Variants in ADCY9 observed in about 807,000 individuals in gnomAD.
ADCY9 encodes adenylate cyclase type 9.
ADCY9 carries 50 observed loss-of-function variants against 101.5 expected under a neutral mutation model. The ratio of observed to expected loss-of-function variants is 0.49; its 90% CI spans 0.39 to 0.62. The LOEUF is 0.62. Among genes scored for constraint, ADCY9 ranks in the 20% least tolerant of loss-of-function variants. The probability of loss-of-function intolerance (pLI) is 0.00; values close to 1 mark genes in which losing one functional copy is unlikely to be tolerated. For synonymous variants in ADCY9, 905 were observed against 769.3 expected, an observed-to-expected ratio of 1.18 and a Z score of -2.92; for missense variants, 1,662 against 1,800.4, an observed-to-expected ratio of 0.92 and a Z score of 1.39.
chr16:4,068,395 A>G (rs140349522), intron 2 of ADCY9, among the ~76,000 whole-genome samples: 3,092 of 152,240 alleles, frequency 0.02, 61 homozygotes, highest in Non-Finnish European at 0.027. Context: ...CACGCGCTAT[A>G]TATAAATTTG....
At chr16:4,084,262 C>T (rs907476450) in intron 2 of ADCY9, among the ~76,000 whole-genome samples, 7 of 152,150 alleles carry the variant, frequency 4.6e-5, no homozygotes, top group South Asian at 2.1e-4. Context: ...CAGGCACCCA[C>T]CACCACGCCC....
chr16:3,991,036 G>C (rs762496199), intron 5 of ADCY9, among the ~76,000 whole-genome samples: 3 of 152,172 alleles, frequency 2.0e-5, no homozygotes, highest in Non-Finnish European at 4.4e-5. Flanking sequence ...CTGACTTCAG[G>C]TGATCTACCT....
chr16:3,973,069 T>C (rs924945091), intron 10 of ADCY9, among the ~76,000 whole-genome samples: 4 of 151,684 alleles, frequency 2.6e-5, no homozygotes, highest in Non-Finnish European at 5.9e-5. Context: ...CTATAGTACA[T>C]ATATAGTTTC....
At chr16:3,998,969 T>G (rs909991611) in intron 3 of ADCY9, among the ~76,000 whole-genome samples, 9 of 151,712 alleles carry the variant, frequency 5.9e-5, no homozygotes, top group African/African-American at 1.9e-4. Context: ...GCAATTTTCC[T>G]TGAGCGATTC....
intron 2 of ADCY9, among the ~76,000 whole-genome samples, chr16:4,019,004 C>A (rs2056457714): frequency 1.4e-5 from 1 of 68,992 alleles, no homozygotes; most frequent in African/African-American, 4.2e-5. Context: ...GAGAAAAGGT[C>A]TTTCTCTGTC....
Position 4,114,782 on chromosome 16 carries a change from C to T in ADCY9, c.661G>A (p.Val221Met). Reference sequence around the variant, plus strand: ...TCGATGCACATGGAGAAGCTCCCCACTTGAGATAAGCAAGTATCTGTGGGC... The same window carrying T: ...TCGATGCACATGGAGAAGCTCCCCATTTGAGATAAGCAAGTATCTGTGGGC... Reference protein sequence around the residue: ...ARPTDTCLSQVGSFSMCIEVL... With the variant: ...ARPTDTCLSQMGSFSMCIEVL... Residue 221 changes from valine (V) to methionine (M), a missense_variant, in exon 2 of 11, where the codon GTG becomes ATG. Transcript: ENST00000294016. The surrounding 1 kb of genome is among the most constrained non-coding windows in gnomAD (Gnocchi z 4.3). 6.2e-7 allele frequency: 1 copy of T among 1,613,306 alleles called. No individual in the cohort carries two copies. The highest frequency in any genetic ancestry group is 8.5e-7 in the Non-Finnish European group (1 of 1,180,046).
At chr16:4,096,000 C>CAAAAAAAAAAAAAAAAAAAAAAAAAA (rs1567146275) in intron 2 of ADCY9, among the ~76,000 whole-genome samples, 1 of 97,748 alleles carries the variant, frequency 1.0e-5, no homozygotes. Context: ...AAAAAAAAAT[C>CAAAAAAAAAAAAAAAAAAAAAAAAAA]AAATGGGGTT....
chr16:4,045,594 T>TAAAAAAAAAAA (rs545715002), intron 2 of ADCY9, among the ~76,000 whole-genome samples: 1 of 64,964 alleles, frequency 1.5e-5, no homozygotes, highest in Non-Finnish European at 2.8e-5. Context: ...GACTCTGCCT[T>TAAAAAAAAAAA]AAAAAAAAAA....
At chr16:4,109,600 T>G (rs1207597285) in intron 2 of ADCY9, among the ~76,000 whole-genome samples, 19 of 152,102 alleles carry the variant, frequency 1.2e-4, no homozygotes, top group Admixed American at 1.2e-3. Flanking sequence ...TCCAGAAACT[T>G]AAAATGCCAT....
intron 2 of ADCY9, among the ~76,000 whole-genome samples, chr16:4,086,655 T>A (rs1298249213): frequency 6.6e-6 from 1 of 151,970 alleles, no homozygotes; most frequent in East Asian, 1.9e-4. Flanking sequence ...TGGACTGTGT[T>A]TTTTATTTTT....
chr16:4,055,548 A>G (rs1034387379), intron 2 of ADCY9, among the ~76,000 whole-genome samples: 6 of 151,450 alleles, frequency 4.0e-5, no homozygotes, highest in South Asian at 2.1e-4. Flanking sequence ...AGGAAAAAAA[A>G]AAAGGCCAGA....
chr16:4,025,436 G>A (rs912227700), intron 2 of ADCY9, among the ~76,000 whole-genome samples: 11 of 151,722 alleles, frequency 7.3e-5, no homozygotes, highest in Admixed American at 6.6e-4. Flanking sequence ...GAGGCCACTA[G>A]CAAAGCCAGC....
intron 10 of ADCY9, among the ~76,000 whole-genome samples, chr16:3,970,556 G>A (rs182287449): frequency 6.7e-4 from 102 of 152,236 alleles, no homozygotes; most frequent in Non-Finnish European, 9.1e-4. Context: ...TGGAACTCCT[G>A]ACCTCAGGTG....
chr16:4,096,065 T>C (rs2057002111), intron 2 of ADCY9, among the ~76,000 whole-genome samples: 1 of 151,914 alleles, frequency 6.6e-6, no homozygotes, highest in African/African-American at 2.4e-5. Context: ...AAACCATGTG[T>C]AAATTATACT....
At chr16:4,108,706 C>CT (rs112428707) in intron 2 of ADCY9, among the ~76,000 whole-genome samples, 57,075 of 124,420 alleles carry the variant, frequency 0.46, 13,682 homozygotes, top group East Asian at 0.54. Flanking sequence ...GTCCCTCACA[C>CT]TTTTTTTTTT....
chr16:4,042,137 C>G (rs1003694882), intron 2 of ADCY9, among the ~76,000 whole-genome samples: 1 of 151,944 alleles, frequency 6.6e-6, no homozygotes, highest in Non-Finnish European at 1.5e-5. Flanking sequence ...GTTGGCCAGG[C>G]TGGTCTCAAA....
chr16:4,086,440 C>T (rs2056939272), intron 2 of ADCY9, among the ~76,000 whole-genome samples: 1 of 152,016 alleles, frequency 6.6e-6, no homozygotes, highest in South Asian at 2.1e-4. Flanking sequence ...GCGCACGCTC[C>T]GCTCTGATGA....
intron 2 of ADCY9, among the ~76,000 whole-genome samples, chr16:4,110,129 T>C (rs939674514): frequency 3.3e-5 from 5 of 152,178 alleles, no homozygotes; most frequent in Admixed American, 1.3e-4. Context: ...CATTTTTAAC[T>C]GTGAGCTCAC....
intron 2 of ADCY9, among the ~76,000 whole-genome samples, chr16:4,110,912 G>C (rs185137999): frequency 6.6e-6 from 1 of 152,094 alleles, no homozygotes; most frequent in South Asian, 2.1e-4. Flanking sequence ...TCCTCAATTC[G>C]GTCTGGCATC....
Sources: gnomAD v4.1 joint callset for allele counts (sites outside exome capture counted in the v4.1 genomes callset) on GRCh38, gnomAD v4.1.1 for gene constraint, Gnocchi (gnomAD v3.1) non-coding constraint, MANE v1.5 for transcripts, NCBI Gene and HGNC (gene_info 2026-07-23, HGNC 2026-07-21) for gene names.